Variants in BLTP1 observed in about 807,000 individuals in gnomAD.
The protein encoded by BLTP1 is fragile site-associated protein.
chr4:122,250,488 A>G, the BLTP1 span: 1 of 1,613,702 alleles, frequency 6.2e-7, no homozygotes, highest in Non-Finnish European at 8.5e-7. Context: ...AGTGGCTATA[A>G]TACTGATGTC....
At chr4:122,344,134 C>T in the BLTP1 span, 3 of 418,604 alleles carry the variant, frequency 7.2e-6, no homozygotes, top group Non-Finnish European at 9.6e-6. Context: ...ATATATTCCA[C>T]GTCAATTCTA....
At chr4:122,300,787 A>G in the BLTP1 span, 2 of 443,626 alleles carry the variant, frequency 4.5e-6, no homozygotes, top group Admixed American at 6.4e-5. Context: ...CAAAAAGATT[A>G]ATCATTGTAA....
chr4:122,276,165 A>G, the BLTP1 span: 1 of 655,792 alleles, frequency 1.5e-6, no homozygotes, highest in South Asian at 5.5e-5. Flanking sequence ...ATAATAGATT[A>G]AAGCTTACTG....
chr4:122,207,504 A>G, the BLTP1 span: 1 of 1,502,506 alleles, frequency 6.7e-7, no homozygotes, highest in Non-Finnish European at 8.8e-7. Context: ...AAGTAAATTT[A>G]CTTTTTCTTC....
At chr4:122,331,299 T>C in the BLTP1 span, 352 of 1,594,538 alleles carry the variant, frequency 2.2e-4, 4 homozygotes, top group East Asian at 7.9e-3. Context: ...TTTACTACAA[T>C]GTAATGATCA....
chr4:122,281,235 G>A, the BLTP1 span: 1 of 877,212 alleles, frequency 1.1e-6, no homozygotes, highest in Admixed American at 6.2e-5. Context: ...ATAGTTAAGT[G>A]ATAGAATTTG....
chr4:122,294,738 A>C, the BLTP1 span, among the ~76,000 whole-genome samples: 67 of 152,348 alleles, frequency 4.4e-4, no homozygotes, highest in Non-Finnish European at 5.1e-4. Flanking sequence ...CCTCTCCAGC[A>C]AGGGCGCAGG....
At chr4:122,244,113 G>A in the BLTP1 span, 2 of 1,345,280 alleles carry the variant, frequency 1.5e-6, no homozygotes, top group South Asian at 1.9e-5. Context: ...TGTTCGTGTA[G>A]AAGATTGTTG....
chr4:122,221,758 G>A, the BLTP1 span: 1 of 978,410 alleles, frequency 1.0e-6, no homozygotes. Flanking sequence ...GGTATGTGGA[G>A]AGGAAGCCCA....
At chr4:122,286,859 A>G in the BLTP1 span, 7 of 1,233,968 alleles carry the variant, frequency 5.7e-6, no homozygotes, top group South Asian at 1.5e-5. Flanking sequence ...CAAAATATGT[A>G]GTAATCCAAA....
At chr4:122,259,330 C>G in the BLTP1 span, among the ~76,000 whole-genome samples, 1 of 152,294 alleles carries the variant, frequency 6.6e-6, no homozygotes, top group Admixed American at 6.5e-5. Context: ...TAGTTGCTCT[C>G]TGACTGAACA....
At chr4:122,280,523 C>G in the BLTP1 span, among the ~76,000 whole-genome samples, 299 of 151,998 alleles carry the variant, frequency 2.0e-3, no homozygotes, top group African/African-American at 6.9e-3. Flanking sequence ...AATAAAAATA[C>G]GTGGTGGCAG....
chr4:122,175,300 G>A, the BLTP1 span: 202 of 978,962 alleles, frequency 2.1e-4, 2 homozygotes, highest in Non-Finnish European at 1.6e-4. Context: ...CCAATCAAAA[G>A]TGAAAAATAA....
chr4:122,194,534 A>C, the BLTP1 span: 3 of 893,452 alleles, frequency 3.4e-6, no homozygotes, highest in Non-Finnish European at 4.0e-6. Context: ...TCATTAAGTA[A>C]TAGAGCTACA....
chr4:122,352,355 CTTTTTTTTTTTT>C, the BLTP1 span, among the ~76,000 whole-genome samples: 18 of 111,710 alleles, frequency 1.6e-4, no homozygotes, highest in Middle Eastern at 5.6e-3. Context: ...TTTGGTTTTT[CTTTTTTTTTTTT>C]TTTTTTTTTT....
chr4:122,218,114 G>A, the BLTP1 span, among the ~76,000 whole-genome samples: 1 of 151,746 alleles, frequency 6.6e-6, no homozygotes, highest in Admixed American at 6.6e-5. Context: ...TCTCTTCTTG[G>A]TTAATCTCAT....
chr4:122,215,843 A>G, the BLTP1 span, among the ~76,000 whole-genome samples: 1 of 147,692 alleles, frequency 6.8e-6, no homozygotes. Context: ...CACCCCCCCC[A>G]TCCTTCCTCT....
At chr4:122,165,625 C>G in the BLTP1 span, among the ~76,000 whole-genome samples, 4 of 128,060 alleles carry the variant, frequency 3.1e-5, 1 homozygote, top group Admixed American at 8.7e-5. Flanking sequence ...ATTTCTAGTT[C>G]TAGATGCCTG....
the BLTP1 span, chr4:122,246,812 TAAG>T: frequency 6.2e-7 from 1 of 1,611,936 alleles, no homozygotes; most frequent in Non-Finnish European, 8.5e-7. Flanking sequence ...CATGAACAGG[TAAG>T]AAATACTTTA....
Sources: allele counts gnomAD v4.1 joint callset (sites outside exome capture counted in the v4.1 genomes callset), GRCh38; gene constraint gnomAD v4.1.1; transcripts MANE v1.5; gene names NCBI Gene and HGNC (gene_info 2026-07-23, HGNC 2026-07-21).